SLC30A9: variants seen among roughly 807,000 people sequenced by gnomAD.
The protein encoded by SLC30A9 is solute carrier family 30 member 9.
SLC30A9 carries 58 observed loss-of-function variants against 87.5 expected under a neutral mutation model. That is an observed-to-expected ratio of 0.66 (90% confidence interval 0.54 to 0.82). The LOEUF (loss-of-function observed/expected upper bound fraction) is 0.82, where lower values mean the gene tolerates loss of function less well. Among genes scored for constraint, SLC30A9 ranks in the 40% least tolerant of loss-of-function variants. The probability of loss-of-function intolerance (pLI) is 0.00; values close to 1 mark genes in which losing one functional copy is unlikely to be tolerated. For synonymous variants in SLC30A9, 234 were observed against 233.0 expected, an observed-to-expected ratio of 1.00 and a Z score of -0.04; for missense variants, 557 against 679.1, an observed-to-expected ratio of 0.82 and a Z score of 2.00.
Position 42,039,037 on chromosome 4 carries a change from A to C in SLC30A9, c.721A>C (p.Met241Leu), listed in dbSNP as rs1716807556. 6.2e-7 allele frequency: 1 copy of C among 1,612,684 alleles called. No individual in the cohort carries two copies. Among genetic ancestry groups the C allele is most frequent in the Non-Finnish European group, 8.5e-7 (1 of 1,178,892 alleles). ...TTTTAAGGGACCAGGAAAAGTGGTG[A>C]TGGTTGCAATTTGCATGTAAGTACT... ...VFFKGPGKVV[M>L]VAICINGLNC... Residue 241 changes from methionine to leucine, a missense_variant, in exon 8 of 18, where the codon ATG (methionine) becomes CTG (leucine). This residue lies in a region of SLC30A9 where 467 missense variants were observed against 529.8 expected (regional missense o/e 0.88). Transcript: ENST00000264451.
At chr4:42,075,183 C>G (rs561534212) in intron 15 of SLC30A9, among the ~76,000 whole-genome samples, 3 of 144,678 alleles carry the variant, frequency 2.1e-5, no homozygotes, top group Admixed American at 7.0e-5. Flanking sequence ...AAGCAATTCT[C>G]CTGTCTCAGC....
chr4:42,042,460 G>A (rs960722546), intron 8 of SLC30A9, among the ~76,000 whole-genome samples: 1 of 152,176 alleles, frequency 6.6e-6, no homozygotes, highest in Non-Finnish European at 1.5e-5. Context: ...CCATCAGGAA[G>A]TTCGAACTGG....
intron 17 of SLC30A9, among the ~76,000 whole-genome samples, chr4:42,083,645 A>G (rs1393216646): frequency 1.4e-5 from 2 of 146,094 alleles, no homozygotes; most frequent in African/African-American, 2.4e-5. Context: ...ATTTATTTAT[A>G]TCATGCTTTT....
At chr4:42,007,218 G>C (rs1295422275) in intron 2 of SLC30A9, among the ~76,000 whole-genome samples, 2 of 152,124 alleles carry the variant, frequency 1.3e-5, no homozygotes, top group African/African-American at 4.8e-5. Context: ...TGAATCTGGG[G>C]GATGAAGAAG....
At chr4:42,016,101 T>C (rs2581425) in intron 2 of SLC30A9, among the ~76,000 whole-genome samples, 98,394 of 152,004 alleles carry the variant, frequency 0.65, 36,039 homozygotes, top group East Asian at 0.96. Flanking sequence ...GCCTCAGTTT[T>C]CTCATAAGAT....
At chr4:42,037,727 T>G (rs912329067) in intron 7 of SLC30A9, among the ~76,000 whole-genome samples, 1 of 152,222 alleles carries the variant, frequency 6.6e-6, no homozygotes, top group African/African-American at 2.4e-5. Context: ...AACATTTTGC[T>G]GTCCTGGTCT....
At position 42,010,405 on chromosome 4, in the gene SLC30A9, A is replaced by G. The variant is rs374393189; in HGVS notation, c.275-7706A>G. ...GACGGGAGGATCACTTGAGCCCAAC[A>G]GGTTGAGGCTGCAGTGAGCCCTGAT... is the stretch of plus-strand genomic sequence containing the variant. On this transcript the variant is annotated intron_variant, in intron 2 of 17. Coordinates refer to ENST00000264451, the MANE Select transcript of SLC30A9 (RefSeq NM_006345.4). 4.1e-4 allele frequency among the ~76,000 whole-genome samples: 63 copies of G among 152,276 alleles called. No homozygotes were observed. The South Asian group carries it at 0.013, about 31-fold the overall frequency.
intron 2 of SLC30A9, among the ~76,000 whole-genome samples, chr4:42,006,837 A>G (rs1715225692): frequency 6.6e-6 from 1 of 151,950 alleles, no homozygotes; most frequent in Non-Finnish European, 1.5e-5. Flanking sequence ...ATTCCTTTTA[A>G]TTTTTTTCTA....
At chr4:42,013,119 A>G (rs1463951481) in intron 2 of SLC30A9, among the ~76,000 whole-genome samples, 3 of 151,826 alleles carry the variant, frequency 2.0e-5, no homozygotes, top group East Asian at 1.9e-4. Context: ...CATCTCTACA[A>G]AAAATTTAAA....
intron 7 of SLC30A9, 85 bp from the exon 8 acceptor site, chr4:42,038,901 A>G (rs1560547145): frequency 1.3e-6 from 1 of 776,072 alleles, no homozygotes; most frequent in Non-Finnish European, 2.2e-6. Context: ...ATAGAGGAAA[A>G]TGTTCTGGTC....
chr4:42,023,253 A>G (rs1417359301), intron 5 of SLC30A9, 49 bp from the exon 6 acceptor site: 5 of 1,207,928 alleles, frequency 4.1e-6, no homozygotes, highest in African/African-American at 1.5e-5. Flanking sequence ...TGTGATGTCA[A>G]TAAAGTCATT....
At chr4:41,991,960 GC>G (rs1714462419) in intron 1 of SLC30A9, among the ~76,000 whole-genome samples, 2 of 151,540 alleles carry the variant, frequency 1.3e-5, no homozygotes, top group African/African-American at 2.4e-5. Flanking sequence ...TATTCCCAGG[GC>G]TTTTTTGGTA....
In SLC30A9 at chr4:42,086,150, G is replaced by C; in HGVS notation, c.*24G>C. On this transcript the variant is annotated 3_prime_UTR_variant, in exon 18 of 18. Transcript: ENST00000264451. ...GAGTTTGATGGAATGAATCACCTGGGTGGGGACCTTGGAAACAAGTTTGTC... is the reference window on the plus strand; with the variant it reads ...GAGTTTGATGGAATGAATCACCTGGCTGGGGACCTTGGAAACAAGTTTGTC... The C allele has an allele frequency of 6.9e-7, 1 of 1,448,736 alleles. No homozygotes were observed. The highest frequency in any genetic ancestry group is 9.4e-7 in the Non-Finnish European group (1 of 1,062,556). 89.7% of individuals were successfully genotyped at this position (1,448,736 alleles called of 1,614,324 possible).
At chr4:42,027,064 G>A (rs527904954) in intron 6 of SLC30A9, among the ~76,000 whole-genome samples, 2 of 152,176 alleles carry the variant, frequency 1.3e-5, no homozygotes, top group Admixed American at 6.5e-5. Context: ...AACTTTTGCC[G>A]GTGTTACGGC....
At position 42,057,854 on chromosome 4, in the gene SLC30A9, A is replaced by T. The variant is rs143214440; in HGVS notation, c.841-2337A>T. 1.7e-3 allele frequency among the ~76,000 whole-genome samples: 253 copies of T among 152,302 alleles called. 1 individual carries two copies. The highest frequency in any genetic ancestry group is 5.5e-3 in the African/African-American group (229 of 41,572). ...CACAGTGGCTCATGCCTGTAATCCC[A>T]GCACTTTGGGAGGCTGAGGCGGGCG... On this transcript the variant is annotated intron_variant, in intron 9 of 17. Coordinates refer to ENST00000264451, the MANE Select transcript of SLC30A9 (RefSeq NM_006345.4).
chr4:41,990,907 C>T (rs1411999247), intron 1 of SLC30A9, 147 bp downstream of exon 1: 1 of 637,374 alleles, frequency 1.6e-6, no homozygotes, highest in East Asian at 2.8e-5. Flanking sequence ...CCAGTTCAGC[C>T]TGCGCAGCCC....
chr4:42,012,292 G>A (rs1715478722), intron 2 of SLC30A9, among the ~76,000 whole-genome samples: 1 of 152,126 alleles, frequency 6.6e-6, no homozygotes, highest in Non-Finnish European at 1.5e-5. Context: ...GCAAAAATAT[G>A]CAGAAAGCAA....
At chr4:42,016,878 G>C (rs901219118) in intron 2 of SLC30A9, among the ~76,000 whole-genome samples, 1 of 152,158 alleles carries the variant, frequency 6.6e-6, no homozygotes, top group East Asian at 1.9e-4. Flanking sequence ...TACAACAACA[G>C]AACAGAGTCC....
chr4:41,998,462 C>CT (rs34295020), intron 1 of SLC30A9, among the ~76,000 whole-genome samples: 2,526 of 144,910 alleles, frequency 0.017, 20 homozygotes, highest in African/African-American at 0.02. Flanking sequence ...TTCAGTAATT[C>CT]TTTTTTTTTG....
Sources: gnomAD v4.1 joint callset for allele counts (sites outside exome capture counted in the v4.1 genomes callset) on GRCh38, gnomAD v4.1.1 for gene constraint, gnomAD v4.1.1 regional missense constraint, MANE v1.5 for transcripts, NCBI Gene and HGNC (gene_info 2026-07-23, HGNC 2026-07-21) for gene names.